Variants in MACROD2 observed in about 807,000 individuals in gnomAD.
The protein encoded by MACROD2 is ADP-ribose glycohydrolase MACROD2.
A neutral mutation model predicts 70.4 loss-of-function variants in MACROD2; 36 were observed. The ratio of observed to expected loss-of-function variants is 0.51; its 90% CI spans 0.39 to 0.68. The LOEUF (loss-of-function observed/expected upper bound fraction) is 0.68. MACROD2 is among the 30% of genes least tolerant of loss of function. MACROD2 has a pLI of 0.00. For missense variants in MACROD2, 496 were observed against 538.4 expected (o/e 0.92, Z 0.78); for synonymous variants, 172 against 178.8 (o/e 0.96, Z 0.30).
At chr20:14,462,478 G>A (rs373064613) in intron 3 of MACROD2, among the ~76,000 whole-genome samples, 43 of 152,102 alleles carry the variant, frequency 2.8e-4, no homozygotes, top group Middle Eastern at 6.8e-3. Context: ...CTCCCATTCT[G>A]TAGGTTGCCT....
At chr20:15,576,238 C>A (rs143344728) in intron 8 of MACROD2, among the ~76,000 whole-genome samples, 5 of 152,202 alleles carry the variant, frequency 3.3e-5, no homozygotes, top group African/African-American at 1.2e-4. Flanking sequence ...AATCTCATCA[C>A]CCCCCAAAAG....
intron 3 of MACROD2, among the ~76,000 whole-genome samples, chr20:14,365,222 T>A (rs1379817607): frequency 2.0e-5 from 3 of 152,136 alleles, no homozygotes; most frequent in African/African-American, 7.2e-5. Flanking sequence ...TAGGAATTTG[T>A]TCATTTTATC....
chr20:15,166,438 C>G (rs1349409479), intron 5 of MACROD2, among the ~76,000 whole-genome samples: 1 of 152,108 alleles, frequency 6.6e-6, no homozygotes, highest in Admixed American at 6.6e-5. Flanking sequence ...CTCACTAGAA[C>G]CCAAGCAGCC....
At chr20:15,649,791 G>T (rs1329930060) in intron 8 of MACROD2, among the ~76,000 whole-genome samples, 5 of 152,250 alleles carry the variant, frequency 3.3e-5, no homozygotes, top group African/African-American at 7.2e-5. Flanking sequence ...ATCTGGGTGT[G>T]TATTATTGCA....
chr20:16,015,924 A>G (rs1472238748), intron 15 of MACROD2, among the ~76,000 whole-genome samples: 2 of 152,084 alleles, frequency 1.3e-5, no homozygotes, highest in Non-Finnish European at 2.9e-5. Context: ...ATTTTTAAAT[A>G]TATTATGACT....
chr20:14,069,639 G>T (rs1416484160), intron 2 of MACROD2, among the ~76,000 whole-genome samples: 1 of 147,196 alleles, frequency 6.8e-6, no homozygotes, highest in Non-Finnish European at 1.5e-5. Flanking sequence ...ATAAATATTT[G>T]CACATCAAGC....
intron 6 of MACROD2, among the ~76,000 whole-genome samples, chr20:15,427,490 A>T (rs2046313830): frequency 6.6e-6 from 1 of 151,678 alleles, no homozygotes; most frequent in Non-Finnish European, 1.5e-5. Context: ...AGACTCTAAG[A>T]CAGAGTTTAG....
At chr20:14,359,032 T>TA (rs1198709691) in intron 3 of MACROD2, among the ~76,000 whole-genome samples, 1 of 151,806 alleles carries the variant, frequency 6.6e-6, no homozygotes. Context: ...ACAAAAAATT[T>TA]AAAAAATTAG....
At chr20:14,286,854 G>T (rs1255240767) in intron 3 of MACROD2, among the ~76,000 whole-genome samples, 2 of 152,150 alleles carry the variant, frequency 1.3e-5, no homozygotes, top group Non-Finnish European at 2.9e-5. Context: ...TTAAGCAGAT[G>T]CTCAGATTGG....
intron 6 of MACROD2, among the ~76,000 whole-genome samples, chr20:15,420,582 T>C (rs965165159): frequency 7.1e-6 from 1 of 141,066 alleles, no homozygotes; most frequent in Non-Finnish European, 1.6e-5. Flanking sequence ...CCTTTTACTA[T>C]ATTCACCCAT....
At chr20:14,624,950 C>G (rs575484679) in intron 4 of MACROD2, among the ~76,000 whole-genome samples, 24 of 152,122 alleles carry the variant, frequency 1.6e-4, no homozygotes, top group Admixed American at 4.6e-4. Context: ...GCACATTGCA[C>G]CTTTTGTATG....
At chr20:15,010,186 G>A (rs1315833046) in intron 5 of MACROD2, among the ~76,000 whole-genome samples, 5 of 152,070 alleles carry the variant, frequency 3.3e-5, no homozygotes, top group East Asian at 1.9e-4. Context: ...ATTATTTGTC[G>A]GACTAAATAA....
chr20:16,009,238 G>A (rs1185513516), intron 15 of MACROD2, among the ~76,000 whole-genome samples: 1 of 152,196 alleles, frequency 6.6e-6, no homozygotes, highest in East Asian at 1.9e-4. Flanking sequence ...GTACCAAAGA[G>A]TAAATGTTGC....
chr20:16,007,535 G>C (rs1312938747), intron 15 of MACROD2, among the ~76,000 whole-genome samples: 2 of 152,126 alleles, frequency 1.3e-5, no homozygotes, highest in Non-Finnish European at 2.9e-5. Context: ...TGGTGCTATG[G>C]GCAGGAAAGC....
At chr20:15,721,918 T>C (rs766845956) in intron 8 of MACROD2, among the ~76,000 whole-genome samples, 6 of 152,186 alleles carry the variant, frequency 3.9e-5, no homozygotes, top group Non-Finnish European at 7.4e-5. Context: ...ACTTTTATAT[T>C]CTACTAGGTG....
At chr20:14,016,580 T>C (rs1037877569) in intron 2 of MACROD2, among the ~76,000 whole-genome samples, 1 of 152,160 alleles carries the variant, frequency 6.6e-6, no homozygotes, top group African/African-American at 2.4e-5. Flanking sequence ...AAGTTTTGTA[T>C]ATGGTATAAA....
intron 8 of MACROD2, among the ~76,000 whole-genome samples, chr20:15,722,024 A>C (rs1265184199): frequency 1.3e-5 from 2 of 152,188 alleles, no homozygotes; most frequent in Admixed American, 6.5e-5. Flanking sequence ...TGTTGCTTAA[A>C]ACTACATTTG....
At chr20:14,118,557 A>C (rs1056102887) in intron 3 of MACROD2, among the ~76,000 whole-genome samples, 5 of 152,192 alleles carry the variant, frequency 3.3e-5, no homozygotes, top group Non-Finnish European at 5.9e-5. Flanking sequence ...TTCAACACGA[A>C]TGGGGATCTC....
At chr20:14,073,597 A>C (rs2053878834) in intron 2 of MACROD2, among the ~76,000 whole-genome samples, 1 of 152,208 alleles carries the variant, frequency 6.6e-6, no homozygotes, top group South Asian at 2.1e-4. Context: ...TCTGCAGCTT[A>C]CAGAGTTTTA....
Sources: gnomAD v4.1 joint callset for allele counts (sites outside exome capture counted in the v4.1 genomes callset) on GRCh38, gnomAD v4.1.1 for gene constraint, MANE v1.5 for transcripts, NCBI Gene and HGNC (gene_info 2026-07-23, HGNC 2026-07-21) for gene names.